Variants in KCTD1 observed in about 807,000 individuals in gnomAD.
The protein encoded by KCTD1 is potassium channel tetramerization domain containing 1.
In KCTD1, 24 loss-of-function variants were observed where a neutral mutation model predicts 66.0. The observed-to-expected ratio is 0.36, with a 90% CI of 0.26 to 0.51. KCTD1 has a LOEUF of 0.51. Among genes scored for constraint, KCTD1 ranks in the 20% least tolerant of loss-of-function variants. The pLI, the probability that KCTD1 is intolerant of heterozygous loss-of-function variation, is 0.95. For synonymous variants in KCTD1, 511 were observed against 517.2 expected, an observed-to-expected ratio of 0.99 and a Z score of 0.16; for missense variants, 943 against 1,205.2, an observed-to-expected ratio of 0.78 and a Z score of 3.22.
rs114676431 is a variant in KCTD1, at chr18:26,478,881, C to T, written c.1989-2222G>A. On this transcript the variant is annotated intron_variant, in intron 2 of 4. Transcript: ENST00000580059. ...AAATGCACAGCAATAGAAAGTATTC[C>T]AAGCCAGTCAACAAAAATTTCTATA... Among the ~76,000 whole-genome samples the T allele has an allele frequency of 2.6e-3, 391 of 152,238 alleles. 1 individual carries two copies. Among genetic ancestry groups the T allele is most frequent in the African/African-American group, 8.8e-3 (364 of 41,542 alleles).
chr18:26,550,503 G>C (rs1598937041), upstream of KCTD1, among the ~76,000 whole-genome samples: 1 of 151,748 alleles, frequency 6.6e-6, no homozygotes, highest in Non-Finnish European at 1.5e-5. The surrounding 1 kb of genome is among the most constrained non-coding windows in gnomAD (Gnocchi z 5.4). Flanking sequence ...TGTGAAACAA[G>C]TTAGAGCAAG....
upstream of KCTD1, among the ~76,000 whole-genome samples, chr18:26,632,643 A>C (rs905258777): frequency 3.9e-5 from 6 of 152,234 alleles, no homozygotes; most frequent in Non-Finnish European, 8.8e-5. Flanking sequence ...ATAATGACAC[A>C]TATTTTAGCT....
At chr18:26,654,430 G>A (rs910669106) in intron 1 of KCTD1, among the ~76,000 whole-genome samples, 14 of 152,040 alleles carry the variant, frequency 9.2e-5, no homozygotes, top group Admixed American at 7.2e-4. Context: ...TAAGTTGAAT[G>A]GTCGGTAAAT....
At chr18:26,591,973 T>C (rs1986617007) in intron 1 of KCTD1, among the ~76,000 whole-genome samples, 1 of 152,164 alleles carries the variant, frequency 6.6e-6, no homozygotes, top group Non-Finnish European at 1.5e-5. Context: ...GATACAATAC[T>C]ATTTTTAACA....
intron 1 of KCTD1, among the ~76,000 whole-genome samples, chr18:26,588,297 AGGAAGGGAAG>A (rs200190341): frequency 1.4e-5 from 2 of 141,084 alleles, no homozygotes; most frequent in African/African-American, 5.2e-5. Flanking sequence ...AAAGAGGGAA[AGGAAGGGAAG>A]GGAAGGGAAG....
intron 1 of KCTD1, among the ~76,000 whole-genome samples, chr18:26,605,191 C>T (rs2144979149): frequency 6.6e-6 from 1 of 152,344 alleles, no homozygotes; most frequent in East Asian, 1.9e-4. Flanking sequence ...TATGGTCTCA[C>T]TTAGCTGCAA....
rs1986964488 is a variant in KCTD1 at position 26,604,338 on chromosome 18, G to A, written c.-16+24809C>T. On this transcript the variant is annotated intron_variant, in intron 1 of 4. Coordinates refer to the KCTD1 transcript ENST00000317932. ...AGTTTAAATTAGTTCAACCATTGTG[G>A]AAAGCAGTATGGCAACTTCTCAAAG... 6.6e-5 allele frequency among the ~76,000 whole-genome samples: 10 copies of A among 152,156 alleles called. 1 individual carries two copies. In the South Asian group the frequency reaches 2.1e-3, roughly 32 times the overall value.
chr18:26,641,747 C>T (rs1598981008), upstream of KCTD1, among the ~76,000 whole-genome samples: 1 of 152,050 alleles, frequency 6.6e-6, no homozygotes, highest in Non-Finnish European at 1.5e-5. Context: ...AAAATCAGTG[C>T]CTAAAGTGAC....
intron 1 of KCTD1, among the ~76,000 whole-genome samples, chr18:26,600,720 T>A (rs1431680268): frequency 6.6e-6 from 1 of 151,828 alleles, no homozygotes; most frequent in Non-Finnish European, 1.5e-5. Flanking sequence ...CTGAGTCTCA[T>A]CTCAGCAATG....
chr18:26,502,969 A>G (rs1466302725), intron 1 of KCTD1, among the ~76,000 whole-genome samples: 2 of 152,240 alleles, frequency 1.3e-5, no homozygotes, highest in Admixed American at 1.3e-4. Context: ...CTGTTAGACT[A>G]CTTAGCATTA....
intron 1 of KCTD1, among the ~76,000 whole-genome samples, chr18:26,610,696 G>A (rs1444496508): frequency 6.6e-6 from 1 of 150,904 alleles, no homozygotes. Flanking sequence ...GAGAGAAAGA[G>A]AAAGAAAGAA....
chr18:26,459,474 T>C lies in KCTD1; in HGVS notation c.2439+146A>G, dbSNP rs1252627242. 2.3e-5 allele frequency: 16 copies of C among 705,542 alleles called. No individual in the cohort carries two copies. The Admixed American group carries it at 4.8e-4, about 21-fold the overall frequency. 43.7% of individuals were successfully genotyped at this position (705,542 alleles called of 1,614,324 possible). On this transcript the variant is annotated intron_variant, in intron 4 of 4. Transcript: ENST00000580059. ...CACAAGACTTACGGAATGACTGCTA[T>C]AGAGGGTGATAATTCACCTACCCAA...
chr18:26,588,330 G>GAAGGGA (rs1310657452), intron 1 of KCTD1, among the ~76,000 whole-genome samples: 3 of 122,360 alleles, frequency 2.5e-5, no homozygotes, highest in Non-Finnish European at 3.6e-5. Flanking sequence ...AAGGGAAAGG[G>GAAGGGA]AGGGGAGGGG....
chr18:26,557,177 T>C (rs938507914), intron 1 of KCTD1, among the ~76,000 whole-genome samples: 4 of 152,202 alleles, frequency 2.6e-5, no homozygotes, highest in African/African-American at 4.8e-5. Context: ...CACAAACTTA[T>C]TCTCTGTCCA....
At chr18:26,652,068 G>C (rs1988047176) in intron 1 of KCTD1, among the ~76,000 whole-genome samples, 1 of 152,154 alleles carries the variant, frequency 6.6e-6, no homozygotes, top group Admixed American at 6.5e-5. Context: ...AGAGGCAGCT[G>C]AGATAAGGTG....
intron 1 of KCTD1, among the ~76,000 whole-genome samples, chr18:26,560,644 G>T (rs964772244): frequency 6.6e-6 from 1 of 152,186 alleles, no homozygotes; most frequent in Admixed American, 6.5e-5. Context: ...GTGGGGAAGG[G>T]TGTGTTCTGG....
intron 1 of KCTD1, among the ~76,000 whole-genome samples, chr18:26,560,235 G>C (rs1985814843): frequency 6.6e-6 from 1 of 151,084 alleles, no homozygotes; most frequent in South Asian, 2.1e-4. Flanking sequence ...CTACTTTTGT[G>C]TATGACAAAC....
upstream of KCTD1, among the ~76,000 whole-genome samples, chr18:26,641,736 C>T (rs1422566194): frequency 1.3e-5 from 2 of 152,098 alleles, no homozygotes; most frequent in Non-Finnish European, 2.9e-5. Flanking sequence ...TCTTTAGGCA[C>T]AAAATCAGTG....
intron 1 of KCTD1, among the ~76,000 whole-genome samples, chr18:26,614,526 CT>C (rs1365105003): frequency 2.0e-5 from 3 of 152,176 alleles, no homozygotes; most frequent in African/African-American, 7.2e-5. Flanking sequence ...ATCGTTCAGC[CT>C]CACAACACAG....
Sources: allele counts gnomAD v4.1 joint callset (sites outside exome capture counted in the v4.1 genomes callset), GRCh38; gene constraint gnomAD v4.1.1; non-coding constraint Gnocchi (gnomAD v3.1); transcripts MANE v1.5; gene names NCBI Gene and HGNC (gene_info 2026-07-23, HGNC 2026-07-21).